Variants in CLTCL1 observed in about 807,000 individuals in gnomAD.
CLTCL1 encodes clathrin heavy chain 2.
Under a neutral mutation model 190.0 loss-of-function variants are expected in CLTCL1, and 159 were observed. The ratio of observed to expected loss-of-function variants is 0.84; its 90% CI spans 0.74 to 0.95. CLTCL1 has a LOEUF of 0.95. CLTCL1 is among the 40% of genes least tolerant of loss of function. CLTCL1 has a pLI of 0.00. For synonymous variants in CLTCL1, 752 were observed against 769.6 expected (o/e 0.98, Z 0.38); for missense variants, 1,878 against 2,033.4 (o/e 0.92, Z 1.47).
At chr22:19,276,868 T>G (rs941737463) in intron 1 of CLTCL1, among the ~76,000 whole-genome samples, 9 of 152,094 alleles carry the variant, frequency 5.9e-5, no homozygotes, top group East Asian at 1.9e-4. Context: ...GAGACGGGGT[T>G]TCACCGTGTT....
chr22:19,184,306 G>A, intron 29 of CLTCL1: 1 of 357,918 alleles, frequency 2.8e-6, no homozygotes, highest in South Asian at 2.0e-5. Flanking sequence ...CCTGGAGTTG[G>A]CCATGATCCA....
chr22:19,235,603 A>G (rs572351138), intron 6 of CLTCL1, 93 bp downstream of exon 6: 1 of 1,220,074 alleles, frequency 8.2e-7, no homozygotes, highest in East Asian at 2.3e-5. Context: ...ATTAATAGCT[A>G]CACCCAGCTG....
At chr22:19,223,332 G>A (rs868971659) in intron 14 of CLTCL1, among the ~76,000 whole-genome samples, 5 of 149,076 alleles carry the variant, frequency 3.4e-5, no homozygotes, top group Admixed American at 1.4e-4. Context: ...CCAATGGAAC[G>A]TGAATCCAAG....
intron 19 of CLTCL1, among the ~76,000 whole-genome samples, chr22:19,215,368 T>C (rs2085349626): frequency 6.6e-6 from 1 of 152,264 alleles, no homozygotes; most frequent in South Asian, 2.1e-4. Flanking sequence ...GCTGCACTTA[T>C]GATGTGAGTT....
intron 1 of CLTCL1, among the ~76,000 whole-genome samples, chr22:19,285,280 A>C (rs946268614): frequency 1.3e-5 from 2 of 151,190 alleles, no homozygotes; most frequent in Non-Finnish European, 3.0e-5. Context: ...ATCTTAAAAA[A>C]AAGAAAAAGA....
intron 2 of CLTCL1, among the ~76,000 whole-genome samples, chr22:19,260,472 C>G (rs1091010): frequency 0.063 from 9,402 of 148,888 alleles, 350 homozygotes; most frequent in Middle Eastern, 0.16. Context: ...AATCCTAAGG[C>G]CCTTAAGAAT....
chr22:19,230,087 TC>T (rs200668303), intron 10 of CLTCL1, 112 bp from the exon 11 acceptor site: 63,377 of 605,078 alleles, frequency 0.1, 2,002 homozygotes, highest in South Asian at 0.19. Context: ...AGCAATTAGT[TC>T]CCTCCCTTGG....
chr22:19,242,783 C>T lies in CLTCL1; in HGVS notation c.673G>A (p.Gly225Arg). Residue 225 changes from glycine to arginine, a missense_variant, in exon 4 of 33, where the codon GGA becomes AGA. Coordinates refer to ENST00000427926, the MANE Select transcript of CLTCL1 (RefSeq NM_007098.4). The part of the protein sequence containing the change: ...LFCFAVRNPT[G>R]GKLHIIEVGQ... ...AGTAGAGTGGATCTTACCTTGCCTCCTGTGGGATTACGTACAGCAAAGCAG... is the reference window on the plus strand; with the variant it reads ...AGTAGAGTGGATCTTACCTTGCCTCTTGTGGGATTACGTACAGCAAAGCAG... 6.2e-7 allele frequency: 1 copy of T among 1,613,970 alleles called. No individual in the cohort carries two copies.
chr22:19,252,461 A>G (rs2096379), intron 3 of CLTCL1, among the ~76,000 whole-genome samples: 9,418 of 152,198 alleles, frequency 0.062, 352 homozygotes, highest in Middle Eastern at 0.16. Flanking sequence ...TCCAAAGTGC[A>G]CTTTAATAGC....
rs369057353 is a variant in CLTCL1, at chr22:19,191,322, T to C, written c.4305A>G (p.Thr1435=). ...VLSPRLDHTW[T]VSFFSKAGQL... is the part of the protein sequence containing the mutation. Reference sequence around the variant, plus strand: ...GACTCACCTTTGAAAAGAAACTGACTGTCCAGGTGTGGTCCAGCCGGGGTG... The same window carrying C: ...GACTCACCTTTGAAAAGAAACTGACCGTCCAGGTGTGGTCCAGCCGGGGTG... Residue 1435 remains threonine, a synonymous_variant, in exon 27 of 33, where the codon ACA becomes ACG. Coordinates refer to ENST00000427926, the MANE Select transcript of CLTCL1 (RefSeq NM_007098.4). The C allele has an allele frequency of 2.5e-6, 4 of 1,614,014 alleles. No homozygotes were observed. The highest frequency in any genetic ancestry group is 3.4e-6 in the Non-Finnish European group (4 of 1,179,884).
chr22:19,229,219 CAT>C (rs1191554533), intron 11 of CLTCL1, among the ~76,000 whole-genome samples: 1 of 152,190 alleles, frequency 6.6e-6, no homozygotes, highest in Middle Eastern at 3.2e-3. Context: ...TGGATAAACA[CAT>C]GTCATATATA....
chr22:19,192,147 G>A (rs2084530280), intron 26 of CLTCL1, among the ~76,000 whole-genome samples: 2 of 146,190 alleles, frequency 1.4e-5, no homozygotes, highest in Admixed American at 7.2e-5. Flanking sequence ...CTCACTGCAA[G>A]CTCTGCCTCC....
At chr22:19,242,314 G>A (rs539362879) in intron 4 of CLTCL1, among the ~76,000 whole-genome samples, 99 of 151,132 alleles carry the variant, frequency 6.6e-4, no homozygotes, top group Non-Finnish European at 1.1e-3. Flanking sequence ...TTTTGAGACG[G>A]AGTCTCACTG....
chr22:19,235,800 A>G lies in CLTCL1; in HGVS notation c.865T>C (p.Ser289Pro), dbSNP rs1486918525. ...YGYLHLYDLE[S>P]GVCICMNRIS... ...CGGTTCATGCAGATGCACACGCCAG[A>G]CTCTAGGTCGTACAGATGAAGATAG... Residue 289 changes from serine (S) to proline (P), a missense_variant, in exon 6 of 33, where the codon TCT (serine) becomes CCT (proline). By Grantham distance (74) the Ser-to-Pro change is moderately conservative. Coordinates refer to ENST00000427926, the MANE Select transcript of CLTCL1 (RefSeq NM_007098.4). 10 of 1,613,808 alleles carry G rather than the reference A, an allele frequency of 6.2e-6. No homozygotes were observed. Among genetic ancestry groups the G allele is most frequent in the Non-Finnish European group, 7.6e-6 (9 of 1,179,856 alleles).
intron 1 of CLTCL1, 25 bp downstream of exon 1, chr22:19,291,575 A>G: frequency 1.5e-6 from 2 of 1,355,992 alleles, no homozygotes; most frequent in South Asian, 3.5e-5. Context: ...CTGACAGGGC[A>G]GCCCCCCAGC....
chr22:19,180,887 G>A (rs745415465), intron 30 of CLTCL1, 81 bp from the exon 31 acceptor site: 9 of 1,201,602 alleles, frequency 7.5e-6, no homozygotes, highest in Non-Finnish European at 1.1e-5. Context: ...TGGAAGGTCA[G>A]GACACAGGGC....
chr22:19,180,777 C>G lies in CLTCL1; in HGVS notation c.4857G>C (p.Leu1619=). The stretch of plus-strand genomic sequence containing the variant: ...CTGTCACATGCTCCTCTTGCTTGCG[C>G]AGACTCTCCAAGGCATCCAGTTTGT... The part of the protein sequence containing the change: ...KVDKLDALES[L]RKQEEHVTEP... Residue 1619 remains leucine, a synonymous_variant, in exon 31 of 33, where the codon CTG becomes CTC. Transcript: ENST00000427926. 1.2e-6 allele frequency: 2 copies of G among 1,613,848 alleles called. No homozygotes were observed. The highest frequency in any genetic ancestry group is 1.7e-5 in the Admixed American group (1 of 60,022).
At chr22:19,275,208 A>C (rs2087458415) in intron 2 of CLTCL1, among the ~76,000 whole-genome samples, 1 of 152,210 alleles carries the variant, frequency 6.6e-6, no homozygotes, top group Non-Finnish European at 1.5e-5. Context: ...AAATTCTATT[A>C]ATTATCAGCT....
Position 19,216,130 on chromosome 22 carries a change from A to C in CLTCL1, c.3046T>G (p.Ser1016Ala), listed in dbSNP as rs1555949324. The C allele has an allele frequency of 6.2e-7, 1 of 1,613,838 alleles. No individual in the cohort carries two copies. Reference sequence around the variant, plus strand: ...CCTCACCTGTGCTCGCTGAAGACAGAGTTATCCAGAACTATCTTCTCCAGC... The same window carrying C: ...CCTCACCTGTGCTCGCTGAAGACAGCGTTATCCAGAACTATCTTCTCCAGC... ...ELLEKIVLDN[S>A]VFSEHRNLQN... Residue 1016 changes from serine to alanine, a missense_variant, in exon 19 of 33, where the codon TCT becomes GCT. Ser to Ala is a moderately conservative substitution (Grantham distance 99). Transcript: ENST00000427926.
Sources: gnomAD v4.1 joint callset for allele counts (sites outside exome capture counted in the v4.1 genomes callset) on GRCh38, gnomAD v4.1.1 for gene constraint, MANE v1.5 for transcripts, NCBI Gene and HGNC (gene_info 2026-07-23, HGNC 2026-07-21) for gene names.